PLEKHA4: variants seen among roughly 807,000 people sequenced by gnomAD.
PLEKHA4 encodes the protein pleckstrin homology domain-containing family A member 4.
Under a neutral mutation model 94.7 loss-of-function variants are expected in PLEKHA4, and 73 were observed. The ratio of observed to expected loss-of-function variants is 0.77; its 90% confidence interval spans 0.64 to 0.94. PLEKHA4 has a LOEUF of 0.94. Ranked by LOEUF, PLEKHA4 falls within the 40% of genes least tolerant of loss-of-function variation. The probability of loss-of-function intolerance (pLI) is 0.00; values close to 1 mark genes in which losing one functional copy is unlikely to be tolerated. For synonymous variants in PLEKHA4, 449 were observed against 437.1 expected, an observed-to-expected ratio of 1.03 and a Z score of -0.34; for missense variants, 1,049 against 1,054.1, an observed-to-expected ratio of 1.00 and a Z score of 0.07.
rs374988101 is a variant in PLEKHA4, at chr19:48,859,708, T to C, written c.477-24A>G. On this transcript the variant is annotated intron_variant, in intron 6 of 19. Coordinates refer to ENST00000263265, the MANE Select transcript of PLEKHA4 (RefSeq NM_020904.3). ...CACTAGCGAGTGGACATAGACAAGA[T>C]ATCACTCCTTCGAACTTCATAACAG... 12 of 1,596,974 alleles carry C rather than the reference T, an allele frequency of 7.5e-6. No individual in the cohort carries two copies. The African/African-American group carries it at 8.0e-5, about 11-fold the overall frequency.
chr19:48,842,325 AT>A (rs1348199309), intron 16 of PLEKHA4, among the ~76,000 whole-genome samples: 1 of 151,276 alleles, frequency 6.6e-6, no homozygotes, highest in Non-Finnish European at 1.5e-5. Context: ...ATTTTTTTGT[AT>A]TTTTAGTACA....
chr19:48,851,673 G>T (rs574363372), intron 13 of PLEKHA4, among the ~76,000 whole-genome samples: 1 of 151,476 alleles, frequency 6.6e-6, no homozygotes, highest in East Asian at 1.9e-4. Context: ...GCAGAAATTA[G>T]GTCTGGCGCA....
intron 3 of PLEKHA4, among the ~76,000 whole-genome samples, chr19:48,865,285 T>C (rs192392087): frequency 6.6e-5 from 10 of 151,720 alleles, no homozygotes; most frequent in South Asian, 4.2e-4. Flanking sequence ...AGAGGTTGCA[T>C]TGAGCCGAGA....
At chr19:48,863,463 C>G (rs914917079) in intron 3 of PLEKHA4, among the ~76,000 whole-genome samples, 1 of 146,700 alleles carries the variant, frequency 6.8e-6, no homozygotes. Context: ...GGAGTCTTCG[C>G]TCTGTCACCC....
At chr19:48,866,602 G>A (rs574510750) in intron 2 of PLEKHA4, among the ~76,000 whole-genome samples, 27 of 152,234 alleles carry the variant, frequency 1.8e-4, no homozygotes, top group Non-Finnish European at 3.1e-4. Flanking sequence ...CCACTGCGCC[G>A]GGCCGAGACT....
chr19:48,858,945 G>T lies in PLEKHA4; in HGVS notation c.887C>A (p.Thr296Asn). 1 of 1,598,624 alleles carries T rather than the reference G, an allele frequency of 6.3e-7. No homozygotes were observed. The highest frequency in any genetic ancestry group is 8.5e-7 in the Non-Finnish European group (1 of 1,175,224). ...CTCAGAGGGAGGTCCTCGGCGGGGA[G>T]TAGGGGGTCGGGAGAGGGTCTGGCG... ...PQRQTLSRPP[T>N]PRRGPPSEAG... The change falls in exon 8 of 20, where the codon ACT becomes AAT. Residue 296 changes from threonine (T) to asparagine (N), a missense_variant. Thr to Asn is a moderately conservative substitution (Grantham distance 65). Coordinates refer to ENST00000263265, the MANE Select transcript of PLEKHA4 (RefSeq NM_020904.3).
chr19:48,853,911 C>G, intron 11 of PLEKHA4, 80 bp from the exon 12 acceptor site: 1 of 1,595,002 alleles, frequency 6.3e-7, no homozygotes, highest in Non-Finnish European at 8.5e-7. Context: ...CTTTCACGTC[C>G]TGGACGTCCA....
chr19:48,845,915 G>A (rs2122955901), intron 14 of PLEKHA4, among the ~76,000 whole-genome samples: 1 of 150,738 alleles, frequency 6.6e-6, no homozygotes, highest in South Asian at 2.1e-4. Context: ...GGAGGCTGAG[G>A]CAGAAGAATC....
At position 48,861,375 on chromosome 19, in the gene PLEKHA4, T is replaced by TG. The variant is rs771956372; in HGVS notation, c.366+25dup. ...CTCATCTCCAGTTCCCATCGCCTGGTGCACAACATGGATGGATGGACTCAC... is the reference window on the plus strand; with the variant it reads ...CTCATCTCCAGTTCCCATCGCCTGGTGGCACAACATGGATGGATGGACTCAC... On this transcript the variant is annotated intron_variant, in intron 5 of 19. Coordinates refer to ENST00000263265, the MANE Select transcript of PLEKHA4 (RefSeq NM_020904.3). 12 of 1,594,022 alleles carry TG rather than the reference T, an allele frequency of 7.5e-6. No individual in the cohort carries two copies. The East Asian group carries it at 2.7e-4, about 36-fold the overall frequency.
At chr19:48,866,914 C>T (rs894134886) in intron 2 of PLEKHA4, among the ~76,000 whole-genome samples, 6 of 152,158 alleles carry the variant, frequency 3.9e-5, no homozygotes, top group African/African-American at 7.2e-5. Flanking sequence ...CGGATGGAGC[C>T]TCATCTCCTG....
chr19:48,846,755 A>G (rs2035985920), intron 14 of PLEKHA4, among the ~76,000 whole-genome samples: 1 of 151,982 alleles, frequency 6.6e-6, no homozygotes, highest in South Asian at 2.1e-4. Context: ...GTGACAGAGC[A>G]AGACCCTGTC....
chr19:48,864,648 C>G (rs528321035), intron 3 of PLEKHA4, among the ~76,000 whole-genome samples: 5 of 152,248 alleles, frequency 3.3e-5, no homozygotes, highest in Admixed American at 3.3e-4. Context: ...GCAGCCTCAG[C>G]CTCCTGGGCT....
intron 9 of PLEKHA4, among the ~76,000 whole-genome samples, chr19:48,856,127 C>T (rs144941722): frequency 0.012 from 1,720 of 147,536 alleles, 18 homozygotes; most frequent in Non-Finnish European, 0.018. Flanking sequence ...GCCGAGATCA[C>T]GCCATTGCAC....
intron 8 of PLEKHA4, among the ~76,000 whole-genome samples, chr19:48,858,605 C>T (rs144097037): frequency 0.013 from 1,646 of 122,928 alleles, 33 homozygotes; most frequent in African/African-American, 0.059. Context: ...CTAACCTTGG[C>T]GACAGAGCAA....
intron 13 of PLEKHA4, among the ~76,000 whole-genome samples, chr19:48,850,880 C>G (rs1599889470): frequency 6.6e-6 from 1 of 151,800 alleles, no homozygotes; most frequent in South Asian, 2.1e-4. Context: ...TGGCTCACAC[C>G]GGTAATCCCA....
intron 3 of PLEKHA4, among the ~76,000 whole-genome samples, chr19:48,865,081 C>T (rs1024301009): frequency 9.9e-5 from 15 of 152,164 alleles, no homozygotes; most frequent in East Asian, 7.7e-4. Context: ...CGGTGGCTCA[C>T]GCCTGTAATC....
chr19:48,837,932 A>C lies in PLEKHA4; in HGVS notation c.2077+85T>G. On this transcript the variant is annotated intron_variant, in intron 19 of 19. Transcript: ENST00000263265. This position sits in a 1 kb window ranked among gnomAD's most constrained non-coding sequence, Gnocchi z 4.3. Reference sequence around the variant, plus strand: ...ATAAAAAATTCTCACCGGCCCCCAGACCCCTCCTCTCCAGGACCTGGGATT... The same window carrying C: ...ATAAAAAATTCTCACCGGCCCCCAGCCCCCTCCTCTCCAGGACCTGGGATT... 6 of 1,134,074 alleles carry C rather than the reference A, an allele frequency of 5.3e-6. No homozygotes were observed. The highest frequency in any genetic ancestry group is 7.8e-6 in the Non-Finnish European group (6 of 771,456). The allele number at this position is 1,134,074 out of a possible 1,614,324, so 70.3% of individuals were successfully genotyped here. A position where few individuals can be genotyped will look rare whatever the true frequency, so the allele number is the denominator to read the frequency against.
In PLEKHA4 at chr19:48,846,666, G is replaced by A. The variant is rs1370514870; in HGVS notation, c.1567-1050C>T. Among the ~76,000 whole-genome samples the A allele has an allele frequency of 2.0e-5, 3 of 152,224 alleles. No individual in the cohort carries two copies. In the East Asian group the frequency reaches 5.8e-4, roughly 29 times the overall value. On this transcript the variant is annotated intron_variant, in intron 14 of 19. Coordinates refer to ENST00000263265, the MANE Select transcript of PLEKHA4 (RefSeq NM_020904.3). ...ACCTGTAGTCCTAGCTACTTGGGAAGCTGAGGTGAGAGAATCACTTAAGCC... is the reference window on the plus strand; with the variant it reads ...ACCTGTAGTCCTAGCTACTTGGGAAACTGAGGTGAGAGAATCACTTAAGCC...
At chr19:48,848,076 G>C in intron 13 of PLEKHA4, 36 bp from the exon 14 acceptor site, 1 of 1,604,902 alleles carries the variant, frequency 6.2e-7, no homozygotes. Context: ...CTTAAAGGTG[G>C]GAAAACGCAG....
Sources: gnomAD v4.1 joint callset for allele counts (sites outside exome capture counted in the v4.1 genomes callset) on GRCh38, gnomAD v4.1.1 for gene constraint, Gnocchi (gnomAD v3.1) non-coding constraint, MANE v1.5 for transcripts, NCBI Gene and HGNC (gene_info 2026-07-23, HGNC 2026-07-21) for gene names.